The following PRKCB variants were observed in gnomAD, a reference collection of about 807,000 sequenced individuals.
PRKCB encodes the protein protein kinase C beta.
Under a neutral mutation model 81.5 loss-of-function variants are expected in PRKCB, and 13 were observed. The ratio of observed to expected loss-of-function variants is 0.16; its 90% CI spans 0.10 to 0.25. The LOEUF (loss-of-function observed/expected upper bound fraction) is 0.25, where lower values mean the gene tolerates loss of function less well. Ranked by LOEUF, PRKCB falls within the 10% of genes least tolerant of loss-of-function variation. The pLI, the probability that PRKCB is intolerant of heterozygous loss-of-function variation, is 1.00. For synonymous variants in PRKCB, 335 were observed against 321.4 expected (o/e 1.04, Z -0.45); for missense variants, 509 against 875.7 (o/e 0.58, Z 5.29).
intron 2 of PRKCB, among the ~76,000 whole-genome samples, chr16:23,867,042 TTCCTTCC>T (rs1368531340): frequency 6.7e-5 from 6 of 90,142 alleles, no homozygotes; most frequent in East Asian, 5.5e-4. Flanking sequence ...CCTTCCTTCC[TTCCTTCC>T]TTCTCTCTCT....
chr16:24,068,893 G>A (rs565418165), intron 5 of PRKCB, among the ~76,000 whole-genome samples: 2 of 152,308 alleles, frequency 1.3e-5, no homozygotes, highest in South Asian at 2.1e-4. Context: ...TGAAGATAGT[G>A]AAGTAAAGGT....
At chr16:24,185,234 C>T (rs372943275) in intron 14 of PRKCB, 43 bp downstream of exon 14, 1 of 1,543,382 alleles carries the variant, frequency 6.5e-7, no homozygotes, top group Non-Finnish European at 8.9e-7. Flanking sequence ...TCCTCCCTAC[C>T]CCCATCCACA....
At chr16:23,921,493 G>A (rs1340450298) in intron 2 of PRKCB, among the ~76,000 whole-genome samples, 6 of 152,098 alleles carry the variant, frequency 3.9e-5, no homozygotes, top group Non-Finnish European at 7.4e-5. Flanking sequence ...GAAGAAATAA[G>A]GGTTGAGGTG....
chr16:24,129,288 G>A (rs1227180588), intron 9 of PRKCB, among the ~76,000 whole-genome samples: 1 of 152,056 alleles, frequency 6.6e-6, no homozygotes, highest in African/African-American at 2.4e-5. Context: ...ATGTACGTGA[G>A]TTGAGATGGG....
chr16:24,121,090 G>T (rs1323684564), intron 8 of PRKCB, among the ~76,000 whole-genome samples: 2 of 152,304 alleles, frequency 1.3e-5, no homozygotes, highest in East Asian at 3.9e-4. Flanking sequence ...TCAACACTTT[G>T]TCTGCCTCCT....
At chr16:24,158,354 CA>C (rs1488644677) in intron 10 of PRKCB, among the ~76,000 whole-genome samples, 1 of 152,058 alleles carries the variant, frequency 6.6e-6, no homozygotes, top group African/African-American at 2.4e-5. Flanking sequence ...ACAAGGCAAA[CA>C]ATTTTAAGTC....
Position 24,220,296 on chromosome 16 carries a change from A to G in PRKCB, c.*5480A>G. On this transcript the variant is annotated 3_prime_UTR_variant, in exon 17 of 17. Transcript: ENST00000643927. ...TTGTTTTCTACATTTGAAAATGTTT[A>G]GTTTAGAATAAGCGCATTATCCAAT... 1.4e-6 allele frequency: 1 copy of G among 693,548 alleles called. No individual in the cohort carries two copies. The highest frequency in any genetic ancestry group is 2.4e-5 in the South Asian group (1 of 42,280). The allele number at this position is 693,548 out of a possible 1,614,324, so 43.0% of individuals were successfully genotyped here. A position where few individuals can be genotyped will look rare whatever the true frequency, so the allele number is the denominator to read the frequency against.
intron 10 of PRKCB, among the ~76,000 whole-genome samples, chr16:24,162,934 G>A (rs1425027669): frequency 1.3e-5 from 2 of 152,196 alleles, no homozygotes; most frequent in Non-Finnish European, 2.9e-5. Flanking sequence ...TGAGGAGCTA[G>A]AATCTGTAAT....
At chr16:24,177,062 G>C (rs979387784) in intron 12 of PRKCB, among the ~76,000 whole-genome samples, 7 of 152,194 alleles carry the variant, frequency 4.6e-5, no homozygotes, top group Non-Finnish European at 1.0e-4. Flanking sequence ...TCCTATGTGG[G>C]ATGTGCCTCT....
chr16:24,073,939 G>C (rs544687849), intron 5 of PRKCB, among the ~76,000 whole-genome samples: 2 of 151,966 alleles, frequency 1.3e-5, no homozygotes, highest in Non-Finnish European at 2.9e-5. Context: ...TCAGGAGATC[G>C]AGACCATCCT....
chr16:24,123,945 C>T lies in PRKCB; in HGVS notation c.1029C>T (p.Asn343=), dbSNP rs56041613. The part of the protein sequence containing the change: ...NRDRMKLTDF[N]FLMVLGKGSF... ...ACCGGATGAAACTGACCGATTTTAACTTCCTAATGGTGCTGGGGAAAGGCA... is the reference window on the plus strand; with the variant it reads ...ACCGGATGAAACTGACCGATTTTAATTTCCTAATGGTGCTGGGGAAAGGCA... The change falls in exon 9 of 17, where the codon AAC becomes AAT. Residue 343 remains asparagine, a synonymous_variant. Transcript: ENST00000643927. 1 of 1,614,188 alleles carries T rather than the reference C, an allele frequency of 6.2e-7. No individual in the cohort carries two copies. Among genetic ancestry groups the T allele is most frequent in the East Asian group, 2.2e-5 (1 of 44,876 alleles).
Position 24,105,365 on chromosome 16 carries a change from C to CT in PRKCB, c.822-7598dup, listed in dbSNP as rs1161938942. Among the ~76,000 whole-genome samples, 372 of 150,258 alleles carry CT rather than the reference C, an allele frequency of 2.5e-3. 1 individual carries two copies. The highest frequency in any genetic ancestry group is 7.3e-3 in the African/African-American group (300 of 41,244). On this transcript the variant is annotated intron_variant, in intron 7 of 16. Coordinates refer to ENST00000643927, the MANE Select transcript of PRKCB (RefSeq NM_002738.7). ...GAGCCACCAAGCCTGGCCTTTTTTT[C>CT]TTTTTTTTTTAAAATTTTACTTTAA...
In PRKCB at chr16:24,032,144, C is replaced by T. The variant is rs1965558129; in HGVS notation, c.297C>T (p.Arg99=). Reference sequence around the variant, plus strand: ...GTTTCTCTTGGCTCCAGGACCCCCGCAGCAAACACAAGTTTAAGATCCACA... The same window carrying T: ...GTTTCTCTTGGCTCCAGGACCCCCGTAGCAAACACAAGTTTAAGATCCACA... ...ADKGPASDDP[R]SKHKFKIHTY... The change falls in exon 4 of 17, where the codon CGC becomes CGT. Residue 99 remains arginine (R), a synonymous_variant. Transcript: ENST00000643927. The T allele has an allele frequency of 6.2e-7, 1 of 1,612,158 alleles. No homozygotes were observed. The highest frequency in any genetic ancestry group is 1.7e-5 in the Admixed American group (1 of 59,920).
intron 2 of PRKCB, among the ~76,000 whole-genome samples, chr16:23,958,289 G>T (rs1226607790): frequency 2.0e-5 from 3 of 151,778 alleles, no homozygotes. Flanking sequence ...ACTGCGCCTG[G>T]CCTATCTTAT....
At chr16:23,952,502 G>A (rs193102889) in intron 2 of PRKCB, among the ~76,000 whole-genome samples, 143 of 152,222 alleles carry the variant, frequency 9.4e-4, no homozygotes, top group Non-Finnish European at 1.2e-3. Context: ...GTTTAGAATC[G>A]TTGCAATGTA....
chr16:24,155,212 A>G (rs187414870), intron 10 of PRKCB, among the ~76,000 whole-genome samples: 43 of 152,306 alleles, frequency 2.8e-4, no homozygotes, highest in Non-Finnish European at 5.4e-4. Flanking sequence ...ACCTTTGGAT[A>G]AATGCACAAG....
intron 3 of PRKCB, among the ~76,000 whole-genome samples, chr16:24,012,649 T>A (rs1596511007): frequency 6.6e-6 from 1 of 152,386 alleles, no homozygotes; most frequent in East Asian, 1.9e-4. Context: ...CGAAGCAGGG[T>A]GGACATACGT....
At chr16:24,044,957 G>A (rs1965746222) in intron 5 of PRKCB, among the ~76,000 whole-genome samples, 3 of 152,204 alleles carry the variant, frequency 2.0e-5, no homozygotes, top group Non-Finnish European at 1.5e-5. Context: ...TGTGTGTGAA[G>A]AAAGGTGTGG....
intron 5 of PRKCB, among the ~76,000 whole-genome samples, chr16:24,082,833 G>GA (rs36030941): frequency 4.8e-4 from 66 of 138,072 alleles, no homozygotes; most frequent in Admixed American, 7.9e-4. Context: ...ACCCATAAAA[G>GA]AAAAAAAAAA....
Sources: allele counts gnomAD v4.1 joint callset (sites outside exome capture counted in the v4.1 genomes callset), GRCh38; gene constraint gnomAD v4.1.1; transcripts MANE v1.5; gene names NCBI Gene and HGNC (gene_info 2026-07-23, HGNC 2026-07-21).